Variants in BARHL2 observed in about 807,000 individuals in gnomAD.
BARHL2 encodes barH-like 2 homeobox protein.
In BARHL2, 10 loss-of-function variants were observed where a neutral mutation model predicts 27.1. That is an observed-to-expected ratio of 0.37 (90% CI 0.23 to 0.63). BARHL2 has a LOEUF of 0.63. Among genes scored for constraint, BARHL2 ranks in the 20% least tolerant of loss-of-function variants. BARHL2 has a pLI of 0.65. For synonymous variants in BARHL2, 248 were observed against 224.7 expected (o/e 1.10, Z -0.93); for missense variants, 483 against 533.5 (o/e 0.91, Z 0.93).
chr1:90,715,200 C>G (rs551496995), intron 1 of BARHL2, among the ~76,000 whole-genome samples: 1 of 76,490 alleles, frequency 1.3e-5, no homozygotes, highest in African/African-American at 5.5e-5. Flanking sequence ...TTTGAGGAGG[C>G]AGCATCTTTT....
At chr1:90,714,786 G>A (rs780845336) in intron 1 of BARHL2, 30 bp from the exon 2 acceptor site, 1 of 1,607,702 alleles carries the variant, frequency 6.2e-7, no homozygotes, top group Non-Finnish European at 8.5e-7. Flanking sequence ...ACGGTGGTAA[G>A]TTAGCCTGGA....
rs777298898 is a variant in BARHL2, at chr1:90,712,435, T to C, written c.1041A>G (p.Ala347=). ...MYSSMYRTPP[A]PHPQLQRPLV... ...GGGGCCGCTGCAGCTGGGGATGGGG[T>C]GCTGGAGGAGTCCGGTACATGCTGC... The change falls in exon 3 of 3, where the codon GCA becomes GCG. Residue 347 remains alanine, a synonymous_variant. Transcript: ENST00000370445. 10 of 1,611,234 alleles carry C rather than the reference T, an allele frequency of 6.2e-6. No individual in the cohort carries two copies. The Admixed American group carries it at 1.5e-4, about 24-fold the overall frequency.
At chr1:90,714,451 G>A in intron 2 of BARHL2, 80 bp downstream of exon 2, 1 of 1,368,304 alleles carries the variant, frequency 7.3e-7, no homozygotes, top group African/African-American at 1.4e-5. Context: ...GTCTCTGGAG[G>A]CCAGGAGGGA....
At chr1:90,714,886 G>C (rs1367578550) in intron 1 of BARHL2, 130 bp from the exon 2 acceptor site, 1 of 757,428 alleles carries the variant, frequency 1.3e-6, no homozygotes, top group African/African-American at 1.7e-5. Context: ...GCCACCCCTA[G>C]AACACACACA....
chr1:90,712,294 G>A lies in BARHL2; in HGVS notation c.*18C>T. Reference sequence around the variant, plus strand: ...AGGGATATGGGGAAGGGATTGCAGTGCCTTCGCTGCAATGTTTTCACCGGG... The same window carrying A: ...AGGGATATGGGGAAGGGATTGCAGTACCTTCGCTGCAATGTTTTCACCGGG... On this transcript the variant is annotated 3_prime_UTR_variant, in exon 3 of 3. Coordinates refer to ENST00000370445, the MANE Select transcript of BARHL2 (RefSeq NM_020063.2). 1.4e-6 allele frequency: 2 copies of A among 1,445,686 alleles called. No homozygotes were observed. Among genetic ancestry groups the A allele is most frequent in the South Asian group, 1.4e-5 (1 of 69,202 alleles). 89.6% of individuals were successfully genotyped at this position (1,445,686 alleles called of 1,614,324 possible).
intron 1 of BARHL2, 129 bp downstream of exon 1, chr1:90,716,442 G>T: frequency 1.0e-6 from 1 of 981,238 alleles, no homozygotes. Flanking sequence ...GCAGTCTTTT[G>T]ACCGTCGCCC....
chr1:90,713,819 G>T (rs530089638), intron 2 of BARHL2, among the ~76,000 whole-genome samples: 22 of 152,294 alleles, frequency 1.4e-4, no homozygotes, highest in Admixed American at 5.2e-4. Flanking sequence ...TCTAGAGAAG[G>T]AGCAGTGCCA....
intron 2 of BARHL2, among the ~76,000 whole-genome samples, chr1:90,713,299 T>TG (rs1351329671): frequency 6.6e-6 from 1 of 152,030 alleles, no homozygotes; most frequent in African/African-American, 2.4e-5. Context: ...CATTCTGAGG[T>TG]GGGGGTGAAT....
Position 90,717,047 on chromosome 1 carries a change from G to C in BARHL2, c.149C>G (p.Ser50Cys). The C allele has an allele frequency of 6.2e-7, 1 of 1,614,028 alleles. No homozygotes were observed. The highest frequency in any genetic ancestry group is 8.5e-7 in the Non-Finnish European group (1 of 1,179,994). Reference sequence around the variant, plus strand: ...TACGGTATCAATCTCCGAACAGGGAGATGGGGTGGCCTGACTCCTAAAATC... The same window carrying C: ...TACGGTATCAATCTCCGAACAGGGACATGGGGTGGCCTGACTCCTAAAATC... Reference protein sequence around the residue: ...TADFRSQATPSPCSEIDTVGT... With the variant: ...TADFRSQATPCPCSEIDTVGT... The change falls in exon 1 of 3, where the codon TCT becomes TGT. Residue 50 changes from serine to cysteine, a missense_variant. By Grantham distance (112) the Ser-to-Cys change is moderately radical. Coordinates refer to ENST00000370445, the MANE Select transcript of BARHL2 (RefSeq NM_020063.2).
intron 2 of BARHL2, among the ~76,000 whole-genome samples, chr1:90,713,638 G>A (rs17131140): frequency 0.012 from 1,823 of 152,296 alleles, 39 homozygotes; most frequent in African/African-American, 0.042. Flanking sequence ...CGCACTTATG[G>A]ACGATTAGAA....
rs1658104109 is a variant in BARHL2, at chr1:90,714,532, T to G, written c.850A>C (p.Arg284=). The G allele has an allele frequency of 6.2e-7, 1 of 1,613,998 alleles. No individual in the cohort carries two copies. The highest frequency in any genetic ancestry group is 1.7e-5 in the Admixed American group (1 of 60,014). Residue 284 remains arginine, a splice_region_variant and synonymous_variant, in exon 2 of 3, where the codon AGG becomes CGG. Transcript: ENST00000370445. ...TQVKTWYQNR[R]TKWKRQTAVG... ...GCTCCCCCAAAGTGCCTCCCTTACC[T>G]GCGGTTCTGGTACCAGGTCTTGACT...
At chr1:90,712,744 A>G in intron 2 of BARHL2, 120 bp from the exon 3 acceptor site, 1 of 1,045,374 alleles carries the variant, frequency 9.6e-7, no homozygotes, top group South Asian at 1.7e-5. Flanking sequence ...TGGCAGGAAG[A>G]CTCAGAGACC....
chr1:90,712,569 T>A lies in BARHL2; in HGVS notation c.907A>T (p.Asn303Tyr). 6.2e-7 allele frequency: 1 copy of A among 1,613,374 alleles called. No homozygotes were observed. Among genetic ancestry groups the A allele is most frequent in the Non-Finnish European group, 8.5e-7 (1 of 1,179,756 alleles). The change falls in exon 3 of 3, where the codon AAC becomes TAC. Residue 303 changes from asparagine (N) to tyrosine (Y), a missense_variant. By Grantham distance (143) the Asn-to-Tyr change is moderately radical. Around this residue, in one of 3 missense-constraint regions of BARHL2, gnomAD observed 130 missense variants for 138.0 expected, o/e 0.94. Transcript: ENST00000370445. Reference protein sequence around the residue: ...VGLELLAEAGNYSALQRMFPS... With the variant: ...VGLELLAEAGYYSALQRMFPS... ...AACATCCTCTGCAGCGCCGAGTAGT[T>A]CCCTGCCTCGGCCAGCAACTCCAGG...
At chr1:90,715,408 C>G (rs1476025056) in intron 1 of BARHL2, among the ~76,000 whole-genome samples, 1 of 152,000 alleles carries the variant, frequency 6.6e-6, no homozygotes, top group East Asian at 1.9e-4. Flanking sequence ...TGGAGATTTC[C>G]GGATTCTATT....
At position 90,716,686 on chromosome 1, in the gene BARHL2, G is replaced by A. The variant is rs878916853; in HGVS notation, c.510C>T (p.Thr170=). Residue 170 remains threonine, a synonymous_variant, in exon 1 of 3, where the codon ACC becomes ACT. Coordinates refer to ENST00000370445, the MANE Select transcript of BARHL2 (RefSeq NM_020063.2). ...YSTSVSSPHH[T]PKQESNAVHE... ...GCACTGCGTTGCTCTCCTGCTTCGG[G>A]GTGTGGTGGGGAGAGGATACGCTGG... 1 of 1,612,898 alleles carries A rather than the reference G, an allele frequency of 6.2e-7. No individual in the cohort carries two copies. Among genetic ancestry groups the A allele is most frequent in the South Asian group, 1.1e-5 (1 of 90,738 alleles).
At position 90,716,283 on chromosome 1, in the gene BARHL2, C is replaced by A. The variant is rs540062786; in HGVS notation, c.625+288G>T. ...TTTATCAACGAAAAGTATTTCCTGT[C>A]GGATGCCCTCCGCCGCCCCTCAACC... is the stretch of plus-strand genomic sequence containing the variant. On this transcript the variant is annotated intron_variant, in intron 1 of 2. Coordinates refer to ENST00000370445, the MANE Select transcript of BARHL2 (RefSeq NM_020063.2). Among the ~76,000 whole-genome samples the A allele has an allele frequency of 2.6e-5, 4 of 152,120 alleles. No homozygotes were observed. The South Asian group carries it at 8.3e-4, about 32-fold the overall frequency.
In BARHL2 at chr1:90,716,702, G is replaced by A. The variant is rs1466863610; in HGVS notation, c.494C>T (p.Ser165Phe). The change falls in exon 1 of 3, where the codon TCC becomes TTC. Residue 165 changes from serine to phenylalanine, a missense_variant. This residue lies in a region of BARHL2 where 304 missense variants were observed against 284.9 expected (regional missense o/e 1.07). Transcript: ENST00000370445. Reference protein sequence around the residue: ...AACAPYSTSVSSPHHTPKQES... With the variant: ...AACAPYSTSVFSPHHTPKQES... ...CTGCTTCGGGGTGTGGTGGGGAGAG[G>A]ATACGCTGGTGCTGTAGGGTGCACA... The A allele has an allele frequency of 1.2e-6, 2 of 1,611,562 alleles. No individual in the cohort carries two copies. The highest frequency in any genetic ancestry group is 3.4e-5 in the Admixed American group (2 of 59,640).
chr1:90,712,400 C>T lies in BARHL2; in HGVS notation c.1076G>A (p.Arg359His), dbSNP rs374597157. ...HPQLQRPLVP[R>H]VLIHGLGPGG... ...AGGCCCTAGGCCGTGGATGAGCACA[C>T]GGGGCACCAGGGGCCGCTGCAGCTG... Residue 359 changes from arginine to histidine, a missense_variant, in exon 3 of 3, where the codon CGT (arginine) becomes CAT (histidine). By Grantham distance (29) the Arg-to-His change is conservative. This residue lies in a region of BARHL2 where 130 missense variants were observed against 138.0 expected (regional missense o/e 0.94). Transcript: ENST00000370445. 8.4e-5 allele frequency: 135 copies of T among 1,597,650 alleles called. 1 individual carries two copies. The highest frequency in any genetic ancestry group is 3.2e-4 in the East Asian group (14 of 44,156).
At chr1:90,714,253 T>A (rs547356131) in intron 2 of BARHL2, among the ~76,000 whole-genome samples, 5 of 152,270 alleles carry the variant, frequency 3.3e-5, no homozygotes, top group Admixed American at 2.6e-4. Flanking sequence ...GATTTGGGGA[T>A]GAAGTGGGGG....
Sources: allele counts gnomAD v4.1 joint callset (sites outside exome capture counted in the v4.1 genomes callset), GRCh38; gene constraint gnomAD v4.1.1; regional missense constraint gnomAD v4.1.1; transcripts MANE v1.5; gene names NCBI Gene and HGNC (gene_info 2026-07-23, HGNC 2026-07-21).